EPHA6: variants seen among roughly 807,000 people sequenced by gnomAD.
EPHA6 encodes the protein ephrin type-A receptor 6.
Under a neutral mutation model 112.0 loss-of-function variants are expected in EPHA6, and 50 were observed. The observed-to-expected ratio is 0.45, with a 90% CI of 0.36 to 0.56. The LOEUF (loss-of-function observed/expected upper bound fraction) is 0.56, where lower values mean the gene tolerates loss of function less well. Among genes scored for constraint, EPHA6 ranks in the 20% least tolerant of loss-of-function variants. EPHA6 has a pLI of 0.00. For missense variants in EPHA6, 1,280 were observed against 1,417.4 expected (o/e 0.90, Z 1.56); for synonymous variants, 529 against 490.7 (o/e 1.08, Z -1.03).
chr3:97,440,319 T>C (rs2090071126), intron 6 of EPHA6, among the ~76,000 whole-genome samples: 1 of 152,108 alleles, frequency 6.6e-6, no homozygotes, highest in African/African-American at 2.4e-5. Context: ...TATAGTCATA[T>C]TAGAAGATTA....
chr3:97,513,792 C>CTA lies in EPHA6; in HGVS notation c.2201-18553_2201-18552dup, dbSNP rs554827724. Among the ~76,000 whole-genome samples, 775 of 150,664 alleles carry CTA rather than the reference C, an allele frequency of 5.1e-3. 8 individuals are homozygous for CTA. Among genetic ancestry groups the CTA allele is most frequent in the African/African-American group, 0.018 (733 of 41,120 alleles). ...CAATTACCCTGACTTGATCACTACA[C>CTA]TATATATATATATAAACATCACACT... On this transcript the variant is annotated intron_variant, in intron 10 of 17. Transcript: ENST00000389672.
intron 3 of EPHA6, chr3:97,009,969 T>C (rs1189456225): frequency 1.5e-6 from 1 of 677,608 alleles, no homozygotes; most frequent in Non-Finnish European, 2.3e-6. Flanking sequence ...GTTGAAGGAT[T>C]CACATGCTTA....
At chr3:97,061,912 G>T (rs558221097) in intron 3 of EPHA6, among the ~76,000 whole-genome samples, 1 of 152,292 alleles carries the variant, frequency 6.6e-6, no homozygotes, top group East Asian at 1.9e-4. Context: ...TGGGGAGGTA[G>T]ATTTGTAAAG....
intron 3 of EPHA6, among the ~76,000 whole-genome samples, chr3:96,990,154 T>C (rs1187300258): frequency 6.6e-6 from 1 of 152,218 alleles, no homozygotes; most frequent in Non-Finnish European, 1.5e-5. Context: ...TTGCTATTAC[T>C]AAATATTTGT....
chr3:97,190,731 C>A (rs111832066), intron 3 of EPHA6, among the ~76,000 whole-genome samples: 1 of 151,420 alleles, frequency 6.6e-6, no homozygotes, highest in Non-Finnish European at 1.5e-5. Flanking sequence ...TGGAGGGGAG[C>A]GGGGAGGGAT....
Position 97,610,876 on chromosome 3 carries a change from G to A in EPHA6, c.2574+22G>A, listed in dbSNP as rs752003020. The A allele has an allele frequency of 1.3e-5, 20 of 1,567,302 alleles. No individual in the cohort carries two copies. In the East Asian group the frequency reaches 3.1e-4, roughly 25 times the overall value. On this transcript the variant is annotated intron_variant, in intron 13 of 17. Coordinates refer to ENST00000389672, the MANE Select transcript of EPHA6 (RefSeq NM_001080448.3). ...GCGGGTGAGGTGTTCTTTTCTGATGGCATTTAAATAAGCTATTCTCAGTTC... is the reference window on the plus strand; with the variant it reads ...GCGGGTGAGGTGTTCTTTTCTGATGACATTTAAATAAGCTATTCTCAGTTC...
intron 8 of EPHA6, among the ~76,000 whole-genome samples, chr3:97,478,534 A>C (rs1448944712): frequency 7.2e-5 from 11 of 152,102 alleles, no homozygotes; most frequent in Non-Finnish European, 1.3e-4. Context: ...ATTTCATTAG[A>C]AATTGCTTTA....
intron 11 of EPHA6, among the ~76,000 whole-genome samples, chr3:97,554,247 A>G (rs956148975): frequency 1.3e-5 from 2 of 152,138 alleles, no homozygotes; most frequent in Admixed American, 1.3e-4. Flanking sequence ...TATTAAAGGT[A>G]AAATCTGATT....
At chr3:97,220,067 G>A (rs752186160) in intron 3 of EPHA6, among the ~76,000 whole-genome samples, 9 of 152,182 alleles carry the variant, frequency 5.9e-5, no homozygotes, top group Admixed American at 2.0e-4. Context: ...CTTTGCTAAA[G>A]CATAGCAAGA....
intron 2 of EPHA6, among the ~76,000 whole-genome samples, chr3:96,915,550 A>G (rs2039441482): frequency 6.6e-6 from 1 of 152,162 alleles, no homozygotes; most frequent in East Asian, 1.9e-4. Flanking sequence ...ATTTATTGTT[A>G]TTCTCCGTTT....
chr3:97,466,195 C>T, intron 7 of EPHA6: 1 of 736,478 alleles, frequency 1.4e-6, no homozygotes, highest in South Asian at 1.4e-5. Flanking sequence ...ACTTCCAATC[C>T]TATCCATCCA....
intron 5 of EPHA6, among the ~76,000 whole-genome samples, chr3:97,303,303 A>T (rs2081173195): frequency 6.6e-6 from 1 of 152,064 alleles, no homozygotes; most frequent in Admixed American, 6.6e-5. Context: ...GGACAAAAAA[A>T]ATAAGCTAAA....
intron 6 of EPHA6, among the ~76,000 whole-genome samples, chr3:97,417,613 CA>C (rs374137901): frequency 1.0e-4 from 15 of 148,038 alleles, no homozygotes; most frequent in South Asian, 2.1e-4. Flanking sequence ...TTCTCTTGTC[CA>C]AAAAAAAAAT....
chr3:97,711,362 A>G (rs563208008), intron 14 of EPHA6, among the ~76,000 whole-genome samples: 20 of 152,154 alleles, frequency 1.3e-4, no homozygotes, highest in African/African-American at 4.8e-4. Flanking sequence ...GAAGCAAGAA[A>G]ATGGACTAAT....
At chr3:97,336,713 T>C (rs2083071685) in intron 5 of EPHA6, among the ~76,000 whole-genome samples, 1 of 152,164 alleles carries the variant, frequency 6.6e-6, no homozygotes. Context: ...GGAATCATAA[T>C]TCTATTGCAT....
At chr3:96,826,906 T>G (rs938545864) in intron 1 of EPHA6, among the ~76,000 whole-genome samples, 3 of 152,136 alleles carry the variant, frequency 2.0e-5, no homozygotes, top group Admixed American at 1.3e-4. Flanking sequence ...CTTCATATAC[T>G]AGTGATAAGC....
chr3:97,067,254 A>G (rs2046205925), intron 3 of EPHA6, among the ~76,000 whole-genome samples: 1 of 152,144 alleles, frequency 6.6e-6, no homozygotes, highest in South Asian at 2.1e-4. Context: ...CTTGAATATT[A>G]AATTTGTTTA....
intron 3 of EPHA6, among the ~76,000 whole-genome samples, chr3:97,103,404 T>G (rs1265524601): frequency 2.0e-5 from 3 of 152,134 alleles, no homozygotes. Context: ...AGGGAGTTCT[T>G]TCCCCATTGC....
chr3:97,725,231 A>G (rs2034707811), intron 15 of EPHA6, among the ~76,000 whole-genome samples: 1 of 152,080 alleles, frequency 6.6e-6, no homozygotes, highest in Non-Finnish European at 1.5e-5. Context: ...TTGCAACCCC[A>G]GCAAAACGAG....
Sources: gnomAD v4.1 joint callset for allele counts (sites outside exome capture counted in the v4.1 genomes callset) on GRCh38, gnomAD v4.1.1 for gene constraint, MANE v1.5 for transcripts, NCBI Gene and HGNC (gene_info 2026-07-23, HGNC 2026-07-21) for gene names.